PLOD2: variants seen among roughly 807,000 people sequenced by gnomAD.
The protein encoded by PLOD2 is lysine hydroxylase 2.
Under a neutral mutation model 101.0 loss-of-function variants are expected in PLOD2, and 65 were observed. That is an observed-to-expected ratio of 0.64 (90% CI 0.53 to 0.79). The LOEUF (loss-of-function observed/expected upper bound fraction) is 0.79, where lower values mean the gene tolerates loss of function less well. Ranked by LOEUF, PLOD2 falls within the 30% of genes least tolerant of loss-of-function variation. PLOD2 has a pLI of 0.00. For missense variants in PLOD2, 909 were observed against 914.6 expected (o/e 0.99, Z 0.08); for synonymous variants, 314 against 302.9 (o/e 1.04, Z -0.38).
intron 1 of PLOD2, among the ~76,000 whole-genome samples, chr3:146,136,975 G>A (rs2031267413): frequency 6.6e-6 from 1 of 152,100 alleles, no homozygotes; most frequent in African/African-American, 2.4e-5. Context: ...AAACACTTCT[G>A]GTCCCAAGCA....
In PLOD2 at chr3:146,073,322, A is replaced by T; in HGVS notation, c.1708T>A (p.Tyr570Asn). 8.1e-7 allele frequency: 1 copy of T among 1,238,180 alleles called. No individual in the cohort carries two copies. Among genetic ancestry groups the T allele is most frequent in the Non-Finnish European group, 1.2e-6 (1 of 857,222 alleles). The allele number at this position is 1,238,180 out of a possible 1,614,324, so 76.7% of individuals were successfully genotyped here. The change falls in exon 16 of 20, where the codon TAT becomes AAT. Residue 570 changes from tyrosine (Y) to asparagine (N), a missense_variant. Physicochemically the swap from Tyr to Asn is moderately radical, Grantham distance 143 (BLOSUM62 -2). Transcript: ENST00000282903. Reference protein sequence around the residue: ...DWKEKYINRDYSKIFTENIVE... With the variant: ...DWKEKYINRDNSKIFTENIVE... ...ATATTTTCAGTGAAAATCTTTGAAT[A>T]ATCACGGTTTATATACTTTTCCTTC...
At chr3:146,078,650 T>C (rs1290803994) in intron 13 of PLOD2, among the ~76,000 whole-genome samples, 1 of 151,874 alleles carries the variant, frequency 6.6e-6, no homozygotes, top group African/African-American at 2.4e-5. Context: ...AATCCTGCTT[T>C]CTAAGAATGT....
At chr3:146,097,061 C>T (rs867448772) in intron 7 of PLOD2, among the ~76,000 whole-genome samples, 14 of 147,534 alleles carry the variant, frequency 9.5e-5, no homozygotes, top group South Asian at 6.5e-4. Flanking sequence ...CTCCTCTGCC[C>T]GGCCGCCCCT....
At chr3:146,103,694 T>C (rs141344621) in intron 6 of PLOD2, among the ~76,000 whole-genome samples, 285 of 152,278 alleles carry the variant, frequency 1.9e-3, no homozygotes, top group Non-Finnish European at 3.4e-3. Context: ...AATTTTTATA[T>C]GTATATTTAA....
At chr3:146,134,751 G>A (rs1263419917) in intron 1 of PLOD2, among the ~76,000 whole-genome samples, 1 of 152,212 alleles carries the variant, frequency 6.6e-6, no homozygotes, top group African/African-American at 2.4e-5. Context: ...CTGCCAATTC[G>A]CATATGAATA....
chr3:146,125,662 G>A (rs1022294917), intron 1 of PLOD2, among the ~76,000 whole-genome samples: 2 of 152,026 alleles, frequency 1.3e-5, no homozygotes, highest in East Asian at 1.9e-4. Flanking sequence ...TAGGAGAATC[G>A]CTTGAACTCG....
Position 146,070,766 on chromosome 3 carries a change from G to A in PLOD2, c.2228C>T (p.Pro743Leu). 6.2e-7 allele frequency: 1 copy of A among 1,609,470 alleles called. No individual in the cohort carries two copies. Among genetic ancestry groups the A allele is most frequent in the South Asian group, 1.1e-5 (1 of 90,972 alleles). The change falls in exon 20 of 20, where the codon CCT becomes CTT. Residue 743 changes from proline (P) to leucine (L), a missense_variant. Transcript: ENST00000282903. ...AATGTATCTTGTTCCATTTTTAACA[G>A]GAAGTCCTTCATGCAAATGTGTGAG... ...GRLTHLHEGLPVKNGTRYIAV... is the reference protein window; with the variant it reads ...GRLTHLHEGLLVKNGTRYIAV...
chr3:146,089,788 CAATTT>C (rs1401761577), intron 8 of PLOD2, among the ~76,000 whole-genome samples: 1 of 151,452 alleles, frequency 6.6e-6, no homozygotes, highest in Non-Finnish European at 1.5e-5. Flanking sequence ...CAGTAGTTCT[CAATTT>C]AATAGGAAAA....
intron 8 of PLOD2, 124 bp downstream of exon 8, chr3:146,091,676 T>C: frequency 1.5e-6 from 1 of 669,374 alleles, no homozygotes. Context: ...TTTAACACTA[T>C]ATCCCCATTA....
intron 15 of PLOD2, 184 bp from the exon 16 acceptor site, chr3:146,073,536 T>A (rs900334768): frequency 3.3e-6 from 1 of 307,128 alleles, no homozygotes; most frequent in Admixed American, 5.1e-5. Context: ...GCTTATGTCA[T>A]TCTATGAAAT....
chr3:146,142,798 A>G (rs149546020), intron 1 of PLOD2, among the ~76,000 whole-genome samples: 145 of 152,252 alleles, frequency 9.5e-4, no homozygotes, highest in African/African-American at 3.3e-3. Flanking sequence ...CTAAGATTAT[A>G]AGAAAGGGGC....
intron 1 of PLOD2, among the ~76,000 whole-genome samples, chr3:146,127,278 A>G (rs924302154): frequency 1.3e-5 from 2 of 152,166 alleles, no homozygotes; most frequent in African/African-American, 4.8e-5. Flanking sequence ...TTACCCACAT[A>G]GTGAACACTG....
At chr3:146,115,253 T>C (rs905907511) in intron 3 of PLOD2, among the ~76,000 whole-genome samples, 6 of 152,108 alleles carry the variant, frequency 3.9e-5, no homozygotes, top group Non-Finnish European at 7.4e-5. Flanking sequence ...TCGATCTACA[T>C]GTGAAGAAAA....
chr3:146,100,729 T>C (rs1937356920), intron 7 of PLOD2, among the ~76,000 whole-genome samples: 2 of 151,312 alleles, frequency 1.3e-5, no homozygotes, highest in African/African-American at 2.4e-5. Flanking sequence ...ATGTGTAGGG[T>C]TGGGAGTGGG....
chr3:146,075,564 C>A (rs1340758337), intron 15 of PLOD2, among the ~76,000 whole-genome samples: 1 of 150,104 alleles, frequency 6.7e-6, no homozygotes, highest in East Asian at 2.0e-4. Context: ...ACTCCATATG[C>A]TGAATCAATC....
At chr3:146,134,235 A>G (rs1358955543) in intron 1 of PLOD2, among the ~76,000 whole-genome samples, 1 of 152,228 alleles carries the variant, frequency 6.6e-6, no homozygotes, top group Non-Finnish European at 1.5e-5. Context: ...TACAATAAAC[A>G]ATATCCAAAA....
intron 1 of PLOD2, among the ~76,000 whole-genome samples, chr3:146,128,807 A>G (rs2030735136): frequency 6.6e-6 from 1 of 150,926 alleles, no homozygotes; most frequent in Admixed American, 6.6e-5. Flanking sequence ...CCATGGTTTT[A>G]AAACAGAAAG....
At chr3:146,142,964 A>T (rs574396576) in intron 1 of PLOD2, among the ~76,000 whole-genome samples, 1 of 152,130 alleles carries the variant, frequency 6.6e-6, no homozygotes, top group Admixed American at 6.6e-5. Flanking sequence ...TGCTTTGGTT[A>T]TAACACAATT....
chr3:146,088,259 A>G (rs1171163998), intron 9 of PLOD2, among the ~76,000 whole-genome samples: 3 of 151,664 alleles, frequency 2.0e-5, no homozygotes, highest in Non-Finnish European at 4.4e-5. Flanking sequence ...TCTATAGAAG[A>G]AAGTACCAGA....
Sources: allele counts gnomAD v4.1 joint callset (sites outside exome capture counted in the v4.1 genomes callset), GRCh38; gene constraint gnomAD v4.1.1; transcripts MANE v1.5; gene names NCBI Gene and HGNC (gene_info 2026-07-23, HGNC 2026-07-21).